Variants in TACC2 observed in about 807,000 individuals in gnomAD.
TACC2 encodes transforming acidic coiled-coil containing protein 2.
In TACC2, 137 loss-of-function variants were observed where a neutral mutation model predicts 227.3. The ratio of observed to expected loss-of-function variants is 0.60; its 90% CI spans 0.52 to 0.69. The LOEUF is 0.69. Ranked by LOEUF, TACC2 falls within the 30% of genes least tolerant of loss-of-function variation. TACC2 has a pLI of 0.00. For missense variants in TACC2, 3,470 were observed against 3,694.4 expected (o/e 0.94, Z 1.57); for synonymous variants, 1,523 against 1,487.5 (o/e 1.02, Z -0.55).
At chr10:122,080,225 G>GTTTTT (rs57690157) in intron 3 of TACC2, among the ~76,000 whole-genome samples, 1 of 127,232 alleles carries the variant, frequency 7.9e-6, no homozygotes, top group African/African-American at 3.0e-5. Context: ...TTTTTTTTTT[G>GTTTTT]TTTTTTTTTT....
At chr10:122,047,225 G>A (rs369035056) in intron 2 of TACC2, among the ~76,000 whole-genome samples, 2 of 132,558 alleles carry the variant, frequency 1.5e-5, no homozygotes, top group South Asian at 5.0e-4. Context: ...GGAAGCACAG[G>A]TTGCAGCGAT....
At chr10:122,034,909 T>C (rs11200360) in intron 2 of TACC2, among the ~76,000 whole-genome samples, 54,679 of 145,490 alleles carry the variant, frequency 0.38, 10,484 homozygotes, top group South Asian at 0.47. Flanking sequence ...GCCTGGGCGA[T>C]AGAGTGAGAC....
Position 122,050,437 on chromosome 10 carries a change from G to A in TACC2, c.34-1G>A. On this transcript the variant is annotated splice_acceptor_variant, in intron 2 of 22. Coordinates refer to ENST00000369005, the MANE Select transcript of TACC2 (RefSeq NM_206862.4). LOFTEE classifies it high-confidence loss of function. The surrounding 1 kb of genome is among the most constrained non-coding windows in gnomAD (Gnocchi z 4.6). ...TCCAATTTCTTTTTCTCCTGGCTCA[G>A]AGGACTTTATCAGCTCAGACTCCAA... 6.2e-7 allele frequency: 1 copy of A among 1,612,570 alleles called. No homozygotes were observed. Among genetic ancestry groups the A allele is most frequent in the Non-Finnish European group, 8.5e-7 (1 of 1,179,212 alleles).
At chr10:122,182,438 T>C (rs921393867) in intron 7 of TACC2, among the ~76,000 whole-genome samples, 4 of 152,174 alleles carry the variant, frequency 2.6e-5, no homozygotes, top group African/African-American at 9.7e-5. Context: ...TCTGAGTTGC[T>C]TGGGATTTAG....
intron 16 of TACC2, among the ~76,000 whole-genome samples, chr10:122,234,046 C>T (rs1435542604): frequency 1.3e-5 from 2 of 152,238 alleles, no homozygotes; most frequent in Non-Finnish European, 2.9e-5. Flanking sequence ...CTCCCTAGCT[C>T]ATCCTGACTC....
rs146144060 is a variant in TACC2 at position 122,224,745 on chromosome 10, C to G, written c.7566C>G (p.Ser2522=). 253 of 1,613,994 alleles carry G rather than the reference C, an allele frequency of 1.6e-4. No homozygotes were observed. The African/African-American group carries it at 2.8e-3, about 18-fold the overall frequency. Residue 2522 remains serine, a synonymous_variant, in exon 12 of 23, where the codon TCC becomes TCG. Transcript: ENST00000369005. ...TTGCAGAGTTGGATTACAGAAACTC[C>G]TATGAAATTGAATATATGGAGAAAA... ...SPTEELDYRN[S]YEIEYMEKIG... is the part of the protein sequence containing the mutation.
chr10:122,230,403 A>C lies in TACC2; in HGVS notation c.8090A>C (p.Gln2697Pro). 14 of 1,614,240 alleles carry C rather than the reference A, an allele frequency of 8.7e-6. No homozygotes were observed. Among genetic ancestry groups the C allele is most frequent in the Non-Finnish European group, 1.1e-5 (13 of 1,180,054 alleles). Residue 2697 changes from glutamine to proline, a missense_variant, in exon 16 of 23, where the codon CAG becomes CCG. By Grantham distance (76) the Gln-to-Pro change is moderately conservative. Transcript: ENST00000369005. ...MRIEALKLAR[Q>P]IALASRSHQD... is the part of the protein sequence containing the mutation. ...ATAGAAGCCCTGAAGCTGGCCAGGC[A>C]GATTGCTTTGGCTTCCCGCAGCCAC...
In TACC2 at chr10:122,008,264, A is replaced by ATTATTATTATTATTT; in HGVS notation, c.-45-13671_-45-13670insATTATTATTATTTTT. The stretch of plus-strand genomic sequence containing the variant: ...TCCCTTTGTTATTATTATTATTATT[A>ATTATTATTATTATTT]TTTTTTTTTTTTGAGACAGAATTTT... On this transcript the variant is annotated intron_variant, in intron 1 of 22. Transcript: ENST00000369005. Among the ~76,000 whole-genome samples, 595 of 134,622 alleles carry ATTATTATTATTATTT rather than the reference A, an allele frequency of 4.4e-3. 5 individuals are homozygous for ATTATTATTATTATTT. Among genetic ancestry groups the ATTATTATTATTATTT allele is most frequent in the Middle Eastern group, 0.015 (4 of 272 alleles). The allele number at this position is 134,622 out of a possible 152,430, so 88.3% of individuals were successfully genotyped here. A position where few individuals can be genotyped will look rare whatever the true frequency, so the allele number is the denominator to read the frequency against.
chr10:122,168,915 T>C (rs1286283594), intron 7 of TACC2, among the ~76,000 whole-genome samples: 1 of 152,234 alleles, frequency 6.6e-6, no homozygotes, highest in Non-Finnish European at 1.5e-5. Flanking sequence ...CAAGTGATGC[T>C]GAACAATTCT....
At chr10:122,040,913 G>C (rs2074172490) in intron 2 of TACC2, among the ~76,000 whole-genome samples, 1 of 152,156 alleles carries the variant, frequency 6.6e-6, no homozygotes, top group African/African-American at 2.4e-5. Flanking sequence ...ACATCAGAAG[G>C]ACCCAGAGCC....
At chr10:122,078,474 C>T (rs1157887976) in intron 3 of TACC2, among the ~76,000 whole-genome samples, 1 of 152,194 alleles carries the variant, frequency 6.6e-6, no homozygotes, top group Non-Finnish European at 1.5e-5. Context: ...GACCCCCTGC[C>T]AGCCCCTGCC....
At chr10:122,154,590 C>T (rs923059275) in intron 7 of TACC2, among the ~76,000 whole-genome samples, 2 of 152,186 alleles carry the variant, frequency 1.3e-5, no homozygotes, top group Non-Finnish European at 2.9e-5. Flanking sequence ...TCTGTTGTCA[C>T]GGGAAGATTT....
chr10:122,200,114 C>T (rs760161261), intron 8 of TACC2, among the ~76,000 whole-genome samples: 5 of 152,250 alleles, frequency 3.3e-5, no homozygotes, highest in South Asian at 4.1e-4. Flanking sequence ...CCTCTTGGGC[C>T]GGCTGCTCCC....
intron 6 of TACC2, among the ~76,000 whole-genome samples, chr10:122,133,437 A>G (rs2088814441): frequency 6.6e-6 from 1 of 152,176 alleles, no homozygotes; most frequent in Non-Finnish European, 1.5e-5. Flanking sequence ...ATATATGCAT[A>G]TATAGGCACA....
intron 9 of TACC2, among the ~76,000 whole-genome samples, chr10:122,215,044 T>C (rs2095371895): frequency 6.6e-6 from 1 of 152,184 alleles, no homozygotes; most frequent in Admixed American, 6.5e-5. Context: ...TGGGTTCAGA[T>C]ACCCCTGGAA....
chr10:122,070,337 G>A (rs1388740652), intron 3 of TACC2, among the ~76,000 whole-genome samples: 2 of 152,182 alleles, frequency 1.3e-5, no homozygotes, highest in Non-Finnish European at 2.9e-5. Flanking sequence ...GACTGGGCAT[G>A]GTGGCTCATG....
chr10:122,100,022 T>C (rs760776943), intron 5 of TACC2, among the ~76,000 whole-genome samples: 45 of 152,286 alleles, frequency 3.0e-4, no homozygotes, highest in Middle Eastern at 3.4e-3. Flanking sequence ...CCCAGCACTT[T>C]GGGAGGCCAA....
At chr10:122,115,579 A>G (rs1009139721) in intron 5 of TACC2, among the ~76,000 whole-genome samples, 1 of 152,196 alleles carries the variant, frequency 6.6e-6, no homozygotes, top group Non-Finnish European at 1.5e-5. Context: ...TAGCATCTCA[A>G]TAGAGGATGC....
rs373805946 is a variant in TACC2 at position 122,084,864 on chromosome 10, A to G, written c.2364A>G (p.Ala788=). The change falls in exon 4 of 23, where the codon GCA becomes GCG. Residue 788 remains alanine, a synonymous_variant. Coordinates refer to ENST00000369005, the MANE Select transcript of TACC2 (RefSeq NM_206862.4). ...ATCCCCCCCAGGGGGAGAACTTGGC[A>G]GCAGACCTGGGGCTCACGGCACTCA... ...VPHPPQGENL[A]ADLGLTALIL... 223 of 1,613,886 alleles carry G rather than the reference A, an allele frequency of 1.4e-4. No individual in the cohort carries two copies. Among genetic ancestry groups the G allele is most frequent in the Non-Finnish European group, 1.8e-4 (218 of 1,180,034 alleles).
Sources: allele counts gnomAD v4.1 joint callset (sites outside exome capture counted in the v4.1 genomes callset), GRCh38; gene constraint gnomAD v4.1.1; non-coding constraint Gnocchi (gnomAD v3.1); transcripts MANE v1.5; gene names NCBI Gene and HGNC (gene_info 2026-07-23, HGNC 2026-07-21).